PTPRT: variants seen among roughly 807,000 people sequenced by gnomAD.
PTPRT encodes the protein receptor-type tyrosine-protein phosphatase T.
PTPRT carries 56 observed loss-of-function variants against 176.8 expected under a neutral mutation model. That is an observed-to-expected ratio of 0.32 (90% CI 0.26 to 0.40). PTPRT has a LOEUF of 0.40. Ranked by LOEUF, PTPRT falls within the 10% of genes least tolerant of loss-of-function variation. The pLI is 1.00. For missense variants in PTPRT, 1,540 were observed against 1,908.2 expected (o/e 0.81, Z 3.60); for synonymous variants, 783 against 739.0 (o/e 1.06, Z -0.96).
intron 7 of PTPRT, among the ~76,000 whole-genome samples, chr20:42,593,807 C>T (rs1426711230): frequency 6.6e-6 from 1 of 152,184 alleles, no homozygotes; most frequent in African/African-American, 2.4e-5. Context: ...AGATCAAACA[C>T]CACTTTGCAT....
intron 1 of PTPRT, among the ~76,000 whole-genome samples, chr20:43,016,938 T>C (rs1985401677): frequency 6.6e-6 from 1 of 152,172 alleles, no homozygotes; most frequent in African/African-American, 2.4e-5. Flanking sequence ...TCTCTGTTTC[T>C]CCCTTTCAGG....
In PTPRT at chr20:42,110,284, T is replaced by G. The variant is rs768047372; in HGVS notation, c.3254+49A>C. 13 of 1,539,672 alleles carry G rather than the reference T, an allele frequency of 8.4e-6. No individual in the cohort carries two copies. The African/African-American group carries it at 1.8e-4, about 21-fold the overall frequency. On this transcript the variant is annotated intron_variant, in intron 23 of 30. Transcript: ENST00000373187. The stretch of plus-strand genomic sequence containing the variant: ...CCAGGCTGGTCTCGAACTCCTGACC[T>G]CGTGATCTGCCCGCCTCGGCCTCCC...
chr20:42,692,561 A>G (rs1229244670), intron 6 of PTPRT, among the ~76,000 whole-genome samples: 1 of 152,218 alleles, frequency 6.6e-6, no homozygotes, highest in Admixed American at 6.5e-5. Flanking sequence ...GACAAAGGGT[A>G]TCTAACACAT....
At chr20:42,641,538 C>A (rs534014882) in intron 7 of PTPRT, among the ~76,000 whole-genome samples, 31 of 152,208 alleles carry the variant, frequency 2.0e-4, no homozygotes, top group African/African-American at 7.5e-4. Context: ...TTCTGTAAAC[C>A]AAAGCCTACA....
At chr20:42,504,402 C>T (rs2071807862) in intron 7 of PTPRT, among the ~76,000 whole-genome samples, 1 of 152,078 alleles carries the variant, frequency 6.6e-6, no homozygotes, top group Non-Finnish European at 1.5e-5. Flanking sequence ...TTTGGCTTTA[C>T]ATATTTTGAG....
chr20:42,241,924 G>A (rs1369799685), intron 14 of PTPRT, among the ~76,000 whole-genome samples: 1 of 152,168 alleles, frequency 6.6e-6, no homozygotes. Flanking sequence ...ATGTTTCAGA[G>A]TGTGGACTCC....
chr20:42,320,889 T>G (rs2057791325), intron 11 of PTPRT, among the ~76,000 whole-genome samples: 1 of 152,172 alleles, frequency 6.6e-6, no homozygotes, highest in Non-Finnish European at 1.5e-5. Context: ...AAGGCGGCTC[T>G]GGCATCTTAA....
At chr20:42,639,067 T>C (rs900497591) in intron 7 of PTPRT, among the ~76,000 whole-genome samples, 2 of 151,566 alleles carry the variant, frequency 1.3e-5, no homozygotes, top group African/African-American at 4.8e-5. Context: ...AAGTTATTAA[T>C]GTCTCCAATA....
At chr20:42,944,600 T>C (rs140070732) in intron 1 of PTPRT, among the ~76,000 whole-genome samples, 1 of 152,254 alleles carries the variant, frequency 6.6e-6, no homozygotes, top group East Asian at 1.9e-4. Context: ...CCACACGTTC[T>C]CCCAGCCCAG....
At chr20:43,146,177 A>G (rs1475005131) in intron 1 of PTPRT, among the ~76,000 whole-genome samples, 1 of 152,138 alleles carries the variant, frequency 6.6e-6, no homozygotes, top group African/African-American at 2.4e-5. Context: ...TTGAGATTAC[A>G]ACATAATCCC....
chr20:42,340,664 A>C (rs558946632), intron 11 of PTPRT, among the ~76,000 whole-genome samples: 53 of 152,310 alleles, frequency 3.5e-4, no homozygotes, highest in African/African-American at 1.3e-3. Context: ...TCAGAAGAAC[A>C]TCAATAGATC....
chr20:42,152,508 T>G (rs1989180405), intron 17 of PTPRT, among the ~76,000 whole-genome samples: 1 of 152,246 alleles, frequency 6.6e-6, no homozygotes, highest in East Asian at 1.9e-4. Context: ...CATGTCTGCA[T>G]GTAGACTCAC....
chr20:42,515,722 G>T (rs1178668679), intron 7 of PTPRT, among the ~76,000 whole-genome samples: 1 of 152,070 alleles, frequency 6.6e-6, no homozygotes, highest in African/African-American at 2.4e-5. Flanking sequence ...CCCAGATCAA[G>T]AATGAACACA....
At chr20:42,872,702 A>T (rs189885348) in intron 2 of PTPRT, among the ~76,000 whole-genome samples, 1 of 152,226 alleles carries the variant, frequency 6.6e-6, no homozygotes, top group Admixed American at 6.5e-5. Context: ...CTGACTTCTG[A>T]TATTACAATG....
At chr20:42,634,537 C>G (rs11699493) in intron 7 of PTPRT, among the ~76,000 whole-genome samples, 3 of 151,720 alleles carry the variant, frequency 2.0e-5, no homozygotes, top group African/African-American at 7.3e-5. Flanking sequence ...GGTTGTTTTG[C>G]AGCACAGACT....
Position 42,468,891 on chromosome 20 carries a change from T to C in PTPRT, c.1450+3375A>G, listed in dbSNP as rs1568906875. ...GAATATGAGTCACTAAACCATCCTTTTGCCCTGACTCTGTTTCTCATATCA... is the reference window on the plus strand; with the variant it reads ...GAATATGAGTCACTAAACCATCCTTCTGCCCTGACTCTGTTTCTCATATCA... On this transcript the variant is annotated intron_variant, in intron 8 of 30. Coordinates refer to ENST00000373187, the MANE Select transcript of PTPRT (RefSeq NM_007050.6). Among the ~76,000 whole-genome samples, 3 of 152,208 alleles carry C rather than the reference T, an allele frequency of 2.0e-5. No individual in the cohort carries two copies. In the South Asian group the frequency reaches 6.2e-4, roughly 31 times the overall value.
chr20:43,028,544 A>G (rs894671993), intron 1 of PTPRT, among the ~76,000 whole-genome samples: 3 of 152,168 alleles, frequency 2.0e-5, no homozygotes, highest in Admixed American at 6.5e-5. Context: ...TTAAAATGAC[A>G]TAAGCACTTT....
intron 2 of PTPRT, among the ~76,000 whole-genome samples, chr20:42,823,706 G>T (rs1334788213): frequency 2.0e-5 from 3 of 151,792 alleles, no homozygotes; most frequent in African/African-American, 7.3e-5. Flanking sequence ...AATGAAACAA[G>T]GTTATACTTA....
At chr20:42,466,099 A>G (rs1298754814) in intron 8 of PTPRT, among the ~76,000 whole-genome samples, 4 of 152,220 alleles carry the variant, frequency 2.6e-5, no homozygotes, top group South Asian at 2.1e-4. Context: ...TGCAAAGGAC[A>G]TGATCTCATT....
Sources: gnomAD v4.1 joint callset for allele counts (sites outside exome capture counted in the v4.1 genomes callset) on GRCh38, gnomAD v4.1.1 for gene constraint, MANE v1.5 for transcripts, NCBI Gene and HGNC (gene_info 2026-07-23, HGNC 2026-07-21) for gene names.